The following SYNCRIP variants were observed in gnomAD, a reference collection of about 807,000 sequenced individuals.
SYNCRIP encodes the protein synaptotagmin binding cytoplasmic RNA interacting protein, also known as heterogeneous nuclear ribonucleoprotein Q.
In SYNCRIP, 9 loss-of-function variants were observed where a neutral mutation model predicts 68.9. The ratio of observed to expected loss-of-function variants is 0.13; its 90% CI spans 0.08 to 0.23. The LOEUF (loss-of-function observed/expected upper bound fraction) is 0.23, where lower values mean the gene tolerates loss of function less well. Among genes scored for constraint, SYNCRIP ranks in the 10% least tolerant of loss-of-function variants. The pLI is 1.00. For missense variants in SYNCRIP, 414 were observed against 770.6 expected (o/e 0.54, Z 5.48); for synonymous variants, 258 against 254.0 (o/e 1.02, Z -0.15).
chr6:85,642,307 T>C (rs1280985572), intron 1 of SYNCRIP, among the ~76,000 whole-genome samples: 1 of 151,934 alleles, frequency 6.6e-6, no homozygotes, highest in Non-Finnish European at 1.5e-5. Flanking sequence ...GGCCGAGACG[T>C]GACCCGTGGC....
intron 7 of SYNCRIP, among the ~76,000 whole-genome samples, chr6:85,623,561 C>CAAAAAA (rs1806662318): frequency 9.3e-5 from 1 of 10,766 alleles, no homozygotes; most frequent in Non-Finnish European, 1.4e-4. Flanking sequence ...AAGACTGTCT[C>CAAAAAA]CAAAAAAAAA....
downstream of SYNCRIP, chr6:85,612,947 A>C: frequency 6.5e-7 from 1 of 1,550,138 alleles, no homozygotes; most frequent in Non-Finnish European, 8.7e-7. Flanking sequence ...AAAAGGAATC[A>C]GTTAGATAAA....
At chr6:85,608,238 A>G (rs966140458), downstream of SYNCRIP, 2 of 152,106 alleles carry the variant, frequency 1.3e-5, no homozygotes, top group South Asian at 4.1e-4. Flanking sequence ...ACAGACCTCT[A>G]AAGATTCCAA....
chr6:85,641,144 C>T, intron 2 of SYNCRIP, 148 bp downstream of exon 2: 1 of 659,132 alleles, frequency 1.5e-6, no homozygotes, highest in South Asian at 1.9e-5. Context: ...TTAACCTCTA[C>T]TTCAAACTTA....
chr6:85,622,592 C>A lies in SYNCRIP; in HGVS notation c.898G>T (p.Ala300Ser). Residue 300 changes from alanine (A) to serine (S), a missense_variant, in exon 8 of 11, where the codon GCC becomes TCC. By Grantham distance (99) the Ala-to-Ser change is moderately conservative (BLOSUM62 1). Transcript: ENST00000369622. ...CTCATTAACCTACGCCTTGCCTGGG[C>A]AGCTGTTTTGTGATCTTCATATTCA... Reference protein sequence around the residue: ...FLEYEDHKTAAQARRRLMSGK... With the variant: ...FLEYEDHKTASQARRRLMSGK... 5 of 1,614,196 alleles carry A rather than the reference C, an allele frequency of 3.1e-6. No individual in the cohort carries two copies. The highest frequency in any genetic ancestry group is 4.2e-6 in the Non-Finnish European group (5 of 1,180,028).
intron 6 of SYNCRIP, among the ~76,000 whole-genome samples, chr6:85,625,734 C>T (rs1289910492): frequency 6.6e-6 from 1 of 152,102 alleles, no homozygotes; most frequent in Non-Finnish European, 1.5e-5. Flanking sequence ...GCCTTCCTTC[C>T]CTGAAACTTC....
intron 6 of SYNCRIP, among the ~76,000 whole-genome samples, chr6:85,627,573 T>C (rs1807201673): frequency 1.3e-5 from 2 of 152,078 alleles, no homozygotes; most frequent in African/African-American, 4.8e-5. Flanking sequence ...CAGTGAGTTA[T>C]ATGGTGAATG....
chr6:85,623,571 A>AAAAAAAAAAAAAAAAAAC (rs1562087648), intron 7 of SYNCRIP, among the ~76,000 whole-genome samples: 5 of 147,872 alleles, frequency 3.4e-5, no homozygotes, highest in African/African-American at 1.3e-4. Flanking sequence ...CCAAAAAAAA[A>AAAAAAAAAAAAAAAAAAC]AAAAAAAAAA....
chr6:85,610,543 A>T (rs1022499795), downstream of SYNCRIP: 1 of 152,034 alleles, frequency 6.6e-6, no homozygotes, highest in African/African-American at 2.4e-5. Flanking sequence ...TGAACTCACA[A>T]AAGTGTTCCT....
intron 7 of SYNCRIP, among the ~76,000 whole-genome samples, 198 bp downstream of exon 7, chr6:85,623,779 A>G (rs1417055547): frequency 2.0e-5 from 3 of 152,146 alleles, no homozygotes; most frequent in African/African-American, 7.2e-5. Context: ...TAACTTGTAC[A>G]ACGTTTGGCA....
At chr6:85,610,339 G>C (rs1278235983), downstream of SYNCRIP, 1 of 151,886 alleles carries the variant, frequency 6.6e-6, no homozygotes, top group Non-Finnish European at 1.5e-5. Flanking sequence ...TCATTCAAAT[G>C]AACACTGTCA....
intron 6 of SYNCRIP, among the ~76,000 whole-genome samples, chr6:85,629,549 T>C (rs893311229): frequency 2.8e-5 from 3 of 107,322 alleles, no homozygotes. Flanking sequence ...AAGGGCCGGG[T>C]GCGGTGGCTC....
downstream of SYNCRIP, chr6:85,611,470 C>G (rs1273160762): frequency 6.6e-6 from 1 of 152,406 alleles, no homozygotes; most frequent in Admixed American, 6.6e-5. Context: ...AAGCTCTGAT[C>G]TTCATCGTGG....
chr6:85,643,699 C>T (rs972687405), upstream of SYNCRIP: 1 of 150,296 alleles, frequency 6.7e-6, no homozygotes, highest in Non-Finnish European at 1.5e-5. Context: ...GCTGGCGGGG[C>T]AGAGTGCTGT....
chr6:85,637,545 A>G (rs1478085564), intron 4 of SYNCRIP, among the ~76,000 whole-genome samples, 189 bp from the exon 5 acceptor site: 1 of 152,242 alleles, frequency 6.6e-6, no homozygotes, highest in Non-Finnish European at 1.5e-5. Context: ...AATTATTATC[A>G]GAAGTCCAGG....
chr6:85,609,759 A>G (rs894212203), downstream of SYNCRIP: 2 of 152,000 alleles, frequency 1.3e-5, no homozygotes, highest in East Asian at 1.9e-4. Context: ...TTTTGGTTAG[A>G]TAACTTAAGT....
At chr6:85,620,487 T>C (rs1806267412) in intron 8 of SYNCRIP, among the ~76,000 whole-genome samples, 1 of 152,172 alleles carries the variant, frequency 6.6e-6, no homozygotes, top group Admixed American at 6.5e-5. Context: ...ATGGAGACAG[T>C]GACTGCCAGT....
At chr6:85,632,805 G>A (rs1807958485) in intron 6 of SYNCRIP, among the ~76,000 whole-genome samples, 1 of 152,050 alleles carries the variant, frequency 6.6e-6, no homozygotes, top group African/African-American at 2.4e-5. Flanking sequence ...CTAGCAAGGT[G>A]GTGCCCTCAT....
intron 6 of SYNCRIP, among the ~76,000 whole-genome samples, chr6:85,630,467 T>C (rs1455666622): frequency 6.6e-6 from 1 of 152,234 alleles, no homozygotes; most frequent in African/African-American, 2.4e-5. Context: ...ATTTCCGTTA[T>C]TTAAGATTGT....
Sources: gnomAD v4.1 joint callset for allele counts (sites outside exome capture counted in the v4.1 genomes callset) on GRCh38, gnomAD v4.1.1 for gene constraint, MANE v1.5 for transcripts, NCBI Gene and HGNC (gene_info 2026-07-23, HGNC 2026-07-21) for gene names.